Variants in ANKRD11 observed in about 807,000 individuals in gnomAD.
The protein encoded by ANKRD11 is ankyrin repeat domain-containing protein 11.
ANKRD11 carries 17 observed loss-of-function variants against 195.7 expected under a neutral mutation model. The observed-to-expected ratio is 0.09, with a 90% confidence interval of 0.06 to 0.13. The LOEUF (loss-of-function observed/expected upper bound fraction) is 0.13. ANKRD11 is among the 10% of genes least tolerant of loss of function. ANKRD11 has a pLI of 1.00. For synonymous variants in ANKRD11, 1,953 were observed against 1,528.1 expected, an observed-to-expected ratio of 1.28 and a Z score of -6.49; for missense variants, 3,735 against 3,566.1, an observed-to-expected ratio of 1.05 and a Z score of -1.21.
At position 89,279,652 on chromosome 16, in the gene ANKRD11, G is replaced by C; in HGVS notation, c.6890C>G (p.Ser2297Cys). Residue 2297 changes from serine to cysteine, a missense_variant, in exon 9 of 13, where the codon TCC (serine) becomes TGC (cysteine). Transcript: ENST00000301030. This position sits in a 1 kb window ranked among gnomAD's most constrained non-coding sequence, Gnocchi z 5.6. The part of the protein sequence containing the change: ...GAGPEDDTEA[S>C]RAAAPAEGPP... ...GCCTTCGGCTGGGGCGGCGGCACGG[G>C]AGGCCTCAGTGTCGTCCTCGGGGCC... is the stretch of plus-strand genomic sequence containing the variant. The C allele has an allele frequency of 6.9e-7, 1 of 1,441,326 alleles. No homozygotes were observed. The highest frequency in any genetic ancestry group is 9.1e-7 in the Non-Finnish European group (1 of 1,103,278). The allele number at this position is 1,441,326 out of a possible 1,614,324, so 89.3% of individuals were successfully genotyped here.
At position 89,281,884 on chromosome 16, in the gene ANKRD11, T is replaced by C. The variant is rs749585833; in HGVS notation, c.4658A>G (p.Asp1553Gly). ...GDPVKMSNGN[D>G]KVAPSKDPGK... ...TGGGTCTTTGGATGGCGCTACCTTA[T>C]CATTCCCGTTGCTCATCTTCACTGG... Residue 1553 changes from aspartate to glycine, a missense_variant, in exon 9 of 13, where the codon GAT (aspartate) becomes GGT (glycine). Physicochemically the swap from Asp to Gly is moderately conservative, Grantham distance 94. Coordinates refer to ENST00000301030, the MANE Select transcript of ANKRD11 (RefSeq NM_013275.6). This position sits in a 1 kb window ranked among gnomAD's most constrained non-coding sequence, Gnocchi z 5.5. 2 of 1,613,918 alleles carry C rather than the reference T, an allele frequency of 1.2e-6. No individual in the cohort carries two copies. Among genetic ancestry groups the C allele is most frequent in the African/African-American group, 1.3e-5 (1 of 75,064 alleles).
intron 2 of ANKRD11, among the ~76,000 whole-genome samples, chr16:89,373,937 GACCA>G (rs2040305264): frequency 6.6e-6 from 1 of 152,226 alleles, no homozygotes; most frequent in African/African-American, 2.4e-5. Flanking sequence ...CATCAGGAGT[GACCA>G]CCAAGCGGGC....
At chr16:89,304,172 T>A (rs908743544) in intron 4 of ANKRD11, among the ~76,000 whole-genome samples, 2 of 152,196 alleles carry the variant, frequency 1.3e-5, no homozygotes, top group Non-Finnish European at 2.9e-5. Context: ...CTGGGCTCCC[T>A]GCAAGCAGCT....
intron 2 of ANKRD11, among the ~76,000 whole-genome samples, chr16:89,337,732 G>T (rs2038447702): frequency 6.6e-6 from 1 of 152,128 alleles, no homozygotes; most frequent in Admixed American, 6.5e-5. Context: ...AAGCCACTGT[G>T]CCCGGCCTGG....
In ANKRD11 at chr16:89,477,653, G is replaced by C. The variant is rs892534530; in HGVS notation, c.-145+12592C>G. Among the ~76,000 whole-genome samples the C allele has an allele frequency of 3.3e-5, 5 of 151,034 alleles. 1 individual carries two copies. ...ATTACAGGTGTGAGCCACTGGGCCC[G>C]GCAGTATTTAGCATTTTAATAATAA... On this transcript the variant is annotated intron_variant, in intron 1 of 12. Coordinates refer to ENST00000301030, the MANE Select transcript of ANKRD11 (RefSeq NM_013275.6).
chr16:89,476,209 AAAAGAT>A (rs1188757495), intron 1 of ANKRD11, among the ~76,000 whole-genome samples: 1 of 152,186 alleles, frequency 6.6e-6, no homozygotes. Context: ...ACCCATTCTC[AAAAGAT>A]GAAATCAAAT....
At chr16:89,452,906 C>A (rs2152317774) in intron 1 of ANKRD11, among the ~76,000 whole-genome samples, 1 of 152,168 alleles carries the variant, frequency 6.6e-6, no homozygotes, top group African/African-American at 2.4e-5. Flanking sequence ...CACACGCCCG[C>A]TTTTTCATAC....
chr16:89,376,599 G>A (rs1438994315), intron 2 of ANKRD11, among the ~76,000 whole-genome samples: 2 of 152,058 alleles, frequency 1.3e-5, no homozygotes, highest in African/African-American at 4.8e-5. Context: ...CACCATGCCC[G>A]GCTAATTTTT....
intron 3 of ANKRD11, among the ~76,000 whole-genome samples, chr16:89,306,947 G>A (rs192410608): frequency 4.6e-5 from 7 of 151,986 alleles, no homozygotes; most frequent in South Asian, 4.2e-4. Context: ...GAGACGGTGC[G>A]ACACACACAG....
intron 1 of ANKRD11, among the ~76,000 whole-genome samples, chr16:89,476,055 A>C (rs1313302778): frequency 6.6e-6 from 1 of 151,520 alleles, no homozygotes; most frequent in African/African-American, 2.4e-5. Flanking sequence ...GTGTCTCAAA[A>C]AAAAAAAAAA....
chr16:89,489,336 T>A (rs1483742816), intron 1 of ANKRD11: 1 of 152,332 alleles, frequency 6.6e-6, no homozygotes, highest in Non-Finnish European at 1.5e-5. Context: ...CGTCTCACAT[T>A]GTTCCTTGAG....
chr16:89,337,666 T>C (rs1321020125), intron 2 of ANKRD11, among the ~76,000 whole-genome samples: 1 of 152,062 alleles, frequency 6.6e-6, no homozygotes, highest in Non-Finnish European at 1.5e-5. Context: ...GGTCTCAATC[T>C]CCTGACCTCG....
chr16:89,303,919 T>A (rs999456296), intron 4 of ANKRD11, among the ~76,000 whole-genome samples: 1 of 152,318 alleles, frequency 6.6e-6, no homozygotes, highest in South Asian at 2.1e-4. Flanking sequence ...CAAGCCCGCA[T>A]CCTGGCACAG....
At chr16:89,306,597 C>CACTT (rs2036267278) in intron 3 of ANKRD11, among the ~76,000 whole-genome samples, 1 of 103,722 alleles carries the variant, frequency 9.6e-6, no homozygotes, top group African/African-American at 4.1e-5. Context: ...AGACACGCGC[C>CACTT]ACCTCCCACT....
chr16:89,274,893 A>G lies in ANKRD11; in HGVS notation c.7634T>C (p.Ile2545Thr). 1 of 1,613,602 alleles carries G rather than the reference A, an allele frequency of 6.2e-7. No homozygotes were observed. The highest frequency in any genetic ancestry group is 8.5e-7 in the Non-Finnish European group (1 of 1,179,982). The change falls in exon 11 of 13, where the codon ATC becomes ACC. Residue 2545 changes from isoleucine (I) to threonine (T), a missense_variant. Transcript: ENST00000301030. Reference sequence around the variant, plus strand: ...GCTGAATGGCACTGCCTGGTTGGCGATGGTCCTGGCCGCCCGGCAGTGAAC... The same window carrying G: ...GCTGAATGGCACTGCCTGGTTGGCGGTGGTCCTGGCCGCCCGGCAGTGAAC... Reference protein sequence around the residue: ...LRVHCRAARTIANQAVPFSAC... With the variant: ...LRVHCRAARTTANQAVPFSAC...
intron 2 of ANKRD11, among the ~76,000 whole-genome samples, chr16:89,320,943 A>G (rs2151933995): frequency 6.6e-6 from 1 of 152,348 alleles, no homozygotes; most frequent in African/African-American, 2.4e-5. Context: ...GACAGGAACA[A>G]CGATGGCCTG....
At chr16:89,276,809 G>C (rs891562460) in intron 9 of ANKRD11, among the ~76,000 whole-genome samples, 1 of 152,162 alleles carries the variant, frequency 6.6e-6, no homozygotes, top group Non-Finnish European at 1.5e-5. Flanking sequence ...TGTAATCCCA[G>C]CACTTTGGGA....
intron 1 of ANKRD11, among the ~76,000 whole-genome samples, chr16:89,455,219 G>C (rs557283905): frequency 9.2e-5 from 13 of 141,838 alleles, no homozygotes; most frequent in Non-Finnish European, 2.0e-4. Context: ...GTGCTTCTAG[G>C]GTTCCTCAAG....
At chr16:89,275,042 C>A in intron 10 of ANKRD11, 51 bp downstream of exon 10, 1 of 1,612,744 alleles carries the variant, frequency 6.2e-7, no homozygotes, top group Non-Finnish European at 8.5e-7. Flanking sequence ...GGGGCCTGCG[C>A]CGTGAAAAGC....
Sources: allele counts gnomAD v4.1 joint callset (sites outside exome capture counted in the v4.1 genomes callset), GRCh38; gene constraint gnomAD v4.1.1; non-coding constraint Gnocchi (gnomAD v3.1); transcripts MANE v1.5; gene names NCBI Gene and HGNC (gene_info 2026-07-23, HGNC 2026-07-21).